The following PAAF1 variants were observed in gnomAD, a reference collection of about 807,000 sequenced individuals.
PAAF1 encodes the protein proteasomal ATPase associated factor 1, also known as proteasomal ATPase-associated factor 1.
Under a neutral mutation model 52.8 loss-of-function variants are expected in PAAF1, and 46 were observed. The observed-to-expected ratio is 0.87, with a 90% confidence interval of 0.69 to 1.11. The LOEUF is 1.11. PAAF1 is among the 50% of genes most tolerant of loss of function. The pLI, the probability that PAAF1 is intolerant of heterozygous loss-of-function variation, is 0.00. For synonymous variants in PAAF1, 178 were observed against 172.8 expected (o/e 1.03, Z -0.24); for missense variants, 424 against 477.4 (o/e 0.89, Z 1.04).
At chr11:73,876,699 G>A (rs1242706286), upstream of PAAF1, 12 of 256,702 alleles carry the variant, frequency 4.7e-5, no homozygotes, top group East Asian at 5.4e-4. Flanking sequence ...CGCGGCCGCT[G>A]ATCGCAGCCC....
intron 10 of PAAF1, among the ~76,000 whole-genome samples, chr11:73,922,674 G>A (rs890137398): frequency 1.2e-4 from 19 of 152,024 alleles, no homozygotes; most frequent in African/African-American, 4.1e-4. Context: ...AAAATTAGCC[G>A]GGCATCATGG....
In PAAF1 at chr11:73,928,630, T is replaced by A. The variant is rs566028397; in HGVS notation, c.*1268T>A. The stretch of plus-strand genomic sequence containing the variant: ...TATTAGAGAAAAGTTTCTTGAAAGA[T>A]GTAACACTTGAGCTGGGACATGCAG... On this transcript the variant is annotated 3_prime_UTR_variant, in exon 12 of 12. Coordinates refer to ENST00000310571, the MANE Select transcript of PAAF1 (RefSeq NM_025155.3). The A allele has an allele frequency of 1.2e-4, 19 of 152,352 alleles. No individual in the cohort carries two copies. Among genetic ancestry groups the A allele is most frequent in the African/African-American group, 4.1e-4 (17 of 41,582 alleles). 9.4% of individuals were successfully genotyped at this position (152,352 alleles called of 1,614,324 possible).
intron 2 of PAAF1, chr11:73,880,320 A>G (rs1948857467): frequency 6.6e-6 from 1 of 151,936 alleles, no homozygotes; most frequent in Non-Finnish European, 1.5e-5. Context: ...ACACACACAT[A>G]TACATATGTA....
intron 8 of PAAF1, 115 bp from the exon 9 acceptor site, chr11:73,916,430 G>A: frequency 1.5e-6 from 1 of 649,976 alleles, no homozygotes; most frequent in South Asian, 2.1e-5. Flanking sequence ...ATAATTAAAG[G>A]GGGAAGGAAG....
At chr11:73,881,030 C>T (rs948610032) in intron 2 of PAAF1, among the ~76,000 whole-genome samples, 1 of 151,998 alleles carries the variant, frequency 6.6e-6, no homozygotes, top group Non-Finnish European at 1.5e-5. Context: ...AATAAAAATA[C>T]ACAAAAGACC....
intron 8 of PAAF1, among the ~76,000 whole-genome samples, chr11:73,915,414 C>G (rs1950037706): frequency 6.6e-6 from 1 of 152,046 alleles, no homozygotes; most frequent in Non-Finnish European, 1.5e-5. Flanking sequence ...CGAGACTGGC[C>G]TGGGCAAAAA....
intron 2 of PAAF1, among the ~76,000 whole-genome samples, chr11:73,885,211 T>G (rs1949028543): frequency 6.6e-6 from 1 of 151,988 alleles, no homozygotes; most frequent in Admixed American, 6.6e-5. Context: ...TGGTCTCGGC[T>G]CACTGCAACC....
chr11:73,901,034 A>G (rs1205947709), intron 6 of PAAF1, among the ~76,000 whole-genome samples: 1 of 151,342 alleles, frequency 6.6e-6, no homozygotes, highest in East Asian at 1.9e-4. Flanking sequence ...TACAATTGAT[A>G]AAGGAAAAAA....
intron 9 of PAAF1, among the ~76,000 whole-genome samples, chr11:73,917,284 G>T (rs1950095009): frequency 6.6e-6 from 1 of 152,124 alleles, no homozygotes; most frequent in Non-Finnish European, 1.5e-5. Context: ...CTCCGAAAGT[G>T]CTGGGATTAC....
chr11:73,916,765 G>A, intron 9 of PAAF1, 105 bp downstream of exon 9: 1 of 641,584 alleles, frequency 1.6e-6, no homozygotes, highest in Non-Finnish European at 2.5e-6. Flanking sequence ...TTGAATCAAG[G>A]GTATATTTTT....
At chr11:73,888,061 A>G (rs1949109621) in intron 3 of PAAF1, among the ~76,000 whole-genome samples, 1 of 152,152 alleles carries the variant, frequency 6.6e-6, no homozygotes, top group Non-Finnish European at 1.5e-5. Flanking sequence ...ATTGATTTTA[A>G]TAATATATTT....
intron 7 of PAAF1, among the ~76,000 whole-genome samples, chr11:73,913,246 C>A (rs564668576): frequency 6.6e-6 from 1 of 152,150 alleles, no homozygotes; most frequent in Non-Finnish European, 1.5e-5. Context: ...GGTTTCTGTT[C>A]ACCATTCAGG....
At chr11:73,896,904 G>A (rs1391074685) in intron 4 of PAAF1, among the ~76,000 whole-genome samples, 4 of 150,678 alleles carry the variant, frequency 2.7e-5, no homozygotes, top group Admixed American at 1.3e-4. Flanking sequence ...CCTCCCGGAC[G>A]GGGCGGCTGG....
intron 9 of PAAF1, among the ~76,000 whole-genome samples, 154 bp downstream of exon 9, chr11:73,916,814 T>A (rs1305005694): frequency 6.6e-6 from 1 of 152,234 alleles, no homozygotes; most frequent in Non-Finnish European, 1.5e-5. Flanking sequence ...TTTCTGATTT[T>A]TCTTATTATT....
chr11:73,896,467 C>G (rs992140210), intron 4 of PAAF1, among the ~76,000 whole-genome samples: 4 of 151,028 alleles, frequency 2.6e-5, no homozygotes, highest in African/African-American at 9.8e-5. Context: ...GTTTGTGTCC[C>G]TGGGTACTTG....
chr11:73,876,895 G>A (rs1948756529), upstream of PAAF1: 4 of 980,602 alleles, frequency 4.1e-6, no homozygotes, highest in Non-Finnish European at 5.7e-6. Context: ...GGCGGGGAAT[G>A]TGAAAAAGTC....
intron 4 of PAAF1, among the ~76,000 whole-genome samples, chr11:73,893,784 C>T (rs1949270575): frequency 2.7e-5 from 4 of 149,604 alleles, no homozygotes; most frequent in African/African-American, 7.4e-5. Context: ...TAAACGTGGG[C>T]GCGGTGGCTC....
Position 73,909,612 on chromosome 11 carries a change from G to A in PAAF1, c.727+19G>A, listed in dbSNP as rs776526648. ...ATGCCCAGTAAGTTGATAATGATAT[G>A]TAGCATTGTTTTATTTTCTTAGGCC... On this transcript the variant is annotated intron_variant, in intron 7 of 11. Coordinates refer to ENST00000310571, the MANE Select transcript of PAAF1 (RefSeq NM_025155.3). 1.4e-5 allele frequency: 22 copies of A among 1,608,846 alleles called. No homozygotes were observed. The highest frequency in any genetic ancestry group is 1.8e-5 in the Non-Finnish European group (21 of 1,175,956).
chr11:73,877,204 C>A, intron 1 of PAAF1, 136 bp downstream of exon 1: 1 of 930,636 alleles, frequency 1.1e-6, no homozygotes, highest in Non-Finnish European at 1.5e-6. Flanking sequence ...GGAACAGGGT[C>A]CGGAAAAAGA....
Sources: gnomAD v4.1 joint callset for allele counts (sites outside exome capture counted in the v4.1 genomes callset) on GRCh38, gnomAD v4.1.1 for gene constraint, MANE v1.5 for transcripts, NCBI Gene and HGNC (gene_info 2026-07-23, HGNC 2026-07-21) for gene names.